The following NTRK3 variants were observed in gnomAD, a reference collection of about 807,000 sequenced individuals.
NTRK3 encodes the protein NT-3 growth factor receptor.
NTRK3 carries 24 observed loss-of-function variants against 91.7 expected under a neutral mutation model. That is an observed-to-expected ratio of 0.26 (90% CI 0.19 to 0.37). The LOEUF is 0.37. Ranked by LOEUF, NTRK3 falls within the 10% of genes least tolerant of loss-of-function variation. The pLI, the probability that NTRK3 is intolerant of heterozygous loss-of-function variation, is 1.00. For synonymous variants in NTRK3, 483 were observed against 404.0 expected, an observed-to-expected ratio of 1.20 and a Z score of -2.34; for missense variants, 880 against 1,068.9, an observed-to-expected ratio of 0.82 and a Z score of 2.46.
At chr15:87,927,577 T>C (rs986202800) in intron 17 of NTRK3, 2 of 152,222 alleles carry the variant, frequency 1.3e-5, no homozygotes, top group Admixed American at 6.5e-5. Flanking sequence ...CAAATTCATA[T>C]GTTGAAACAG....
chr15:87,905,062 T>C (rs16941002), intron 17 of NTRK3, among the ~76,000 whole-genome samples: 11,868 of 152,162 alleles, frequency 0.078, 498 homozygotes, highest in South Asian at 0.17. Flanking sequence ...CCCTACCCAA[T>C]AGTTAGAAGA....
intron 17 of NTRK3, among the ~76,000 whole-genome samples, chr15:87,882,023 G>C (rs1326352734): frequency 6.6e-6 from 1 of 152,006 alleles, no homozygotes; most frequent in Non-Finnish European, 1.5e-5. Flanking sequence ...AGCCTCCTGA[G>C]TAGCTGGGAT....
chr15:88,254,057 T>C (rs562847550), intron 3 of NTRK3, among the ~76,000 whole-genome samples: 1 of 152,254 alleles, frequency 6.6e-6, no homozygotes, highest in African/African-American at 2.4e-5. Flanking sequence ...TGGATGCAGC[T>C]CACCCATTCC....
At chr15:87,862,697 C>T (rs1373787670) in exon 19 of NTRK3, 1 of 229,398 alleles carries the variant, frequency 4.4e-6, no homozygotes, top group Non-Finnish European at 8.6e-6. Context: ...GCTTCTGCTA[C>T]CCTTGTTTTC....
exon 19 of NTRK3, chr15:87,874,171 T>C (rs2064891149): frequency 4.6e-6 from 1 of 219,028 alleles, no homozygotes; most frequent in African/African-American, 2.4e-5. Context: ...GCAATTTCCA[T>C]GGCCCTATTT....
At chr15:88,174,661 C>G (rs1488127991) in intron 5 of NTRK3, among the ~76,000 whole-genome samples, 1 of 152,250 alleles carries the variant, frequency 6.6e-6, no homozygotes, top group Non-Finnish European at 1.5e-5. Flanking sequence ...GGGGAAACAG[C>G]TGTGCACACC....
intron 17 of NTRK3, among the ~76,000 whole-genome samples, chr15:87,916,981 C>G (rs1010289155): frequency 6.6e-6 from 1 of 152,192 alleles, no homozygotes; most frequent in African/African-American, 2.4e-5. Flanking sequence ...CCAAGCTGGT[C>G]TCGAGCTCCT....
chr15:88,106,967 G>C (rs1029613073), intron 13 of NTRK3, among the ~76,000 whole-genome samples: 1 of 151,316 alleles, frequency 6.6e-6, no homozygotes, highest in Non-Finnish European at 1.5e-5. Context: ...TGGGAATATA[G>C]ATACTCAGGT....
chr15:88,059,858 T>C (rs917252743), intron 13 of NTRK3, among the ~76,000 whole-genome samples: 2 of 152,186 alleles, frequency 1.3e-5, no homozygotes, highest in Non-Finnish European at 2.9e-5. Flanking sequence ...TAACCCAATG[T>C]CACTGGTGTC....
At chr15:88,256,549 G>T in intron 1 of NTRK3, 63 bp from the exon 2 acceptor site, 1 of 510,118 alleles carries the variant, frequency 2.0e-6, no homozygotes, top group Non-Finnish European at 3.4e-6. Flanking sequence ...AAAAAATGGT[G>T]CTAAAGTCAC....
At chr15:88,105,377 T>A (rs1289260434) in intron 13 of NTRK3, among the ~76,000 whole-genome samples, 2 of 152,114 alleles carry the variant, frequency 1.3e-5, no homozygotes, top group Admixed American at 1.3e-4. Flanking sequence ...GAGTCATGGA[T>A]GGTTGGGGTT....
chr15:88,119,442 T>C (rs532727213), intron 13 of NTRK3, among the ~76,000 whole-genome samples: 1 of 152,300 alleles, frequency 6.6e-6, no homozygotes, highest in South Asian at 2.1e-4. Context: ...CTAGGCATTT[T>C]TGAGGAAGCG....
At chr15:88,150,117 G>A (rs1269688260) in intron 5 of NTRK3, among the ~76,000 whole-genome samples, 1 of 152,168 alleles carries the variant, frequency 6.6e-6, no homozygotes, top group Non-Finnish European at 1.5e-5. Flanking sequence ...AGAAAGCTCA[G>A]ACTTATTGAG....
chr15:88,084,792 A>G (rs1170220217), intron 13 of NTRK3, among the ~76,000 whole-genome samples: 1 of 152,178 alleles, frequency 6.6e-6, no homozygotes, highest in Non-Finnish European at 1.5e-5. Flanking sequence ...CTTCTCATGC[A>G]GGCAACTCTA....
At chr15:87,882,910 A>G (rs1374871428) in intron 17 of NTRK3, among the ~76,000 whole-genome samples, 3 of 152,158 alleles carry the variant, frequency 2.0e-5, no homozygotes, top group African/African-American at 7.2e-5. Flanking sequence ...AAACACCACT[A>G]GAGACAATAA....
chr15:87,924,187 C>T (rs1016759666), intron 17 of NTRK3, among the ~76,000 whole-genome samples: 1 of 152,022 alleles, frequency 6.6e-6, no homozygotes, highest in Non-Finnish European at 1.5e-5. Context: ...AGTAACTTGC[C>T]GAAGGTCATA....
At chr15:88,022,789 A>G (rs923963705) in intron 14 of NTRK3, among the ~76,000 whole-genome samples, 3 of 152,136 alleles carry the variant, frequency 2.0e-5, no homozygotes, top group Non-Finnish European at 2.9e-5. Context: ...GTACTTTTTT[A>G]AAGCCAATTA....
At chr15:87,968,017 G>T (rs560444204) in intron 14 of NTRK3, among the ~76,000 whole-genome samples, 2 of 152,128 alleles carry the variant, frequency 1.3e-5, no homozygotes, top group South Asian at 4.1e-4. Context: ...GGTCCCTGGT[G>T]GGCTCAAGAC....
chr15:87,922,077 A>G (rs2067921491), intron 17 of NTRK3, among the ~76,000 whole-genome samples: 1 of 152,218 alleles, frequency 6.6e-6, no homozygotes, highest in Non-Finnish European at 1.5e-5. Flanking sequence ...AGCAGAAAGC[A>G]TGGTGGAACC....
Sources: allele counts gnomAD v4.1 joint callset (sites outside exome capture counted in the v4.1 genomes callset), GRCh38; gene constraint gnomAD v4.1.1; transcripts MANE v1.5; gene names NCBI Gene and HGNC (gene_info 2026-07-23, HGNC 2026-07-21).